Variants in MAST3 observed in about 807,000 individuals in gnomAD.
MAST3 encodes the protein microtubule-associated serine/threonine-protein kinase 3.
Under a neutral mutation model 127.0 loss-of-function variants are expected in MAST3, and 43 were observed. That is an observed-to-expected ratio of 0.34 (90% CI 0.27 to 0.44). The LOEUF is 0.44. Ranked by LOEUF, MAST3 falls within the 20% of genes least tolerant of loss-of-function variation. MAST3 has a pLI of 1.00. For missense variants in MAST3, 1,390 were observed against 1,919.1 expected, an observed-to-expected ratio of 0.72 and a Z score of 5.15; for synonymous variants, 785 against 809.2, an observed-to-expected ratio of 0.97 and a Z score of 0.51.
intron 18 of MAST3, among the ~76,000 whole-genome samples, chr19:18,136,208 C>T (rs2041878290): frequency 6.6e-6 from 1 of 152,184 alleles, no homozygotes; most frequent in Non-Finnish European, 1.5e-5. Flanking sequence ...CCACCCATCA[C>T]GTGGCCACTA....
chr19:18,145,653 T>TG lies in MAST3; in HGVS notation c.3040-89dup, dbSNP rs2042945584. 1.4e-6 allele frequency: 2 copies of TG among 1,411,848 alleles called. No homozygotes were observed. The highest frequency in any genetic ancestry group is 1.9e-6 in the Non-Finnish European group (2 of 1,067,854). 87.5% of individuals were successfully genotyped at this position (1,411,848 alleles called of 1,614,324 possible). ...TGAGACAGCACAAGAGGCAGCAGCTTGCTGGGGTCCCACAGCAGACCCAGC... is the reference window on the plus strand; with the variant it reads ...TGAGACAGCACAAGAGGCAGCAGCTTGGCTGGGGTCCCACAGCAGACCCAGC... On this transcript the variant is annotated intron_variant, in intron 24 of 27. Transcript: ENST00000687212. The surrounding 1 kb of genome is among the most constrained non-coding windows in gnomAD (Gnocchi z 5.9).
chr19:18,145,016 C>T lies in MAST3; in HGVS notation c.2826C>T (p.Gly942=), dbSNP rs754717863. 1.0e-5 allele frequency: 16 copies of T among 1,574,738 alleles called. No individual in the cohort carries two copies. The highest frequency in any genetic ancestry group is 1.7e-5 in the Admixed American group (1 of 59,808). Residue 942 remains glycine (G), a synonymous_variant, in exon 24 of 28, where the codon GGC becomes GGT. Coordinates refer to ENST00000687212, the MANE Select transcript of MAST3 (RefSeq NM_001393504.1). The surrounding 1 kb of genome is among the most constrained non-coding windows in gnomAD (Gnocchi z 5.9). ...AACCCCCTGCAGATGATGGCAGCGG[C>T]GGCCCCCTCATGAGCCCCCTTTCCC... The part of the protein sequence containing the change: ...SLIITADDGS[G]GPLMSPLSPR...
intron 14 of MAST3, among the ~76,000 whole-genome samples, chr19:18,130,980 C>A (rs2041214577): frequency 6.6e-6 from 1 of 152,150 alleles, no homozygotes; most frequent in Admixed American, 6.5e-5. Context: ...GGCCTGGAGA[C>A]CAGAAGTGAA....
chr19:18,097,792 C>A lies in MAST3; in HGVS notation c.-1C>A. On this transcript the variant is annotated 5_prime_UTR_variant, in exon 1 of 28. Coordinates refer to ENST00000687212, the MANE Select transcript of MAST3 (RefSeq NM_001393504.1). ...GGCCTGGCGGCGCGGACTCCCGGGCCATGGACGAGTCGAGCCTCCTGCGGC... is the reference window on the plus strand; with the variant it reads ...GGCCTGGCGGCGCGGACTCCCGGGCAATGGACGAGTCGAGCCTCCTGCGGC... The A allele has an allele frequency of 1.6e-6, 2 of 1,221,412 alleles. No homozygotes were observed. The highest frequency in any genetic ancestry group is 2.0e-6 in the Non-Finnish European group (2 of 981,504). 75.7% of individuals were successfully genotyped at this position (1,221,412 alleles called of 1,614,324 possible).
chr19:18,116,713 G>A (rs1234315701), intron 3 of MAST3, among the ~76,000 whole-genome samples: 6 of 131,688 alleles, frequency 4.6e-5, no homozygotes, highest in African/African-American at 1.7e-4. Context: ...AGTTTGAGAC[G>A]AGCCTGGCCA....
intron 8 of MAST3, 116 bp from the exon 9 acceptor site, chr19:18,123,823 C>A: frequency 9.1e-7 from 1 of 1,095,252 alleles, no homozygotes. Flanking sequence ...GCCCTCCCAC[C>A]CGATCGCCCC....
chr19:18,139,079 C>T lies in MAST3; in HGVS notation c.2160C>T (p.Ser720=). The change falls in exon 20 of 28, where the codon TCC becomes TCT. Residue 720 remains serine, a synonymous_variant. Coordinates refer to ENST00000687212, the MANE Select transcript of MAST3 (RefSeq NM_001393504.1). The stretch of plus-strand genomic sequence containing the variant: ...ACGAGACCAATGATGAAGAATCGTC[C>T]ACAGAGATCCCCCAGTTCTCCTCCT... ...EDDETNDEES[S]TEIPQFSSCS... The T allele has an allele frequency of 1.9e-6, 3 of 1,605,102 alleles. No homozygotes were observed. Among genetic ancestry groups the T allele is most frequent in the Middle Eastern group, 1.7e-4 (1 of 6,052 alleles).
At position 18,142,022 on chromosome 19, in the gene MAST3, G is replaced by T; in HGVS notation, c.2339+7G>T. 1.4e-6 allele frequency: 2 copies of T among 1,459,000 alleles called. No individual in the cohort carries two copies. The highest frequency in any genetic ancestry group is 1.5e-5 in the South Asian group (1 of 68,016). The allele number at this position is 1,459,000 out of a possible 1,614,324, so 90.4% of individuals were successfully genotyped here. On this transcript the variant is annotated splice_region_variant and intron_variant, in intron 21 of 27. Transcript: ENST00000687212. ...GGCTGAGTGCTGACATCCGGTAAGT[G>T]GCCTGGGGAAGTGTAGGCAGATCCA...
Position 18,110,055 on chromosome 19 carries a change from A to T in MAST3, c.72-597A>T. ...GCGTCCCTGCGGCAGACAGGGCGGC[A>T]CCCGCGGCTCCCCTTTCCCGCTGCG... On this transcript the variant is annotated intron_variant, in intron 2 of 27. Transcript: ENST00000687212. The surrounding 1 kb of genome is among the most constrained non-coding windows in gnomAD (Gnocchi z 4.3). The T allele has an allele frequency of 1.0e-6, 1 of 985,096 alleles. No individual in the cohort carries two copies. Among genetic ancestry groups the T allele is most frequent in the Non-Finnish European group, 1.2e-6 (1 of 829,834 alleles). The allele number at this position is 985,096 out of a possible 1,614,324, so 61.0% of individuals were successfully genotyped here. A position where few individuals can be genotyped will look rare whatever the true frequency, so the allele number is the denominator to read the frequency against.
chr19:18,151,449 A>C lies in MAST3; in HGVS notation c.*1723A>C, dbSNP rs2043519053. 1 of 152,196 alleles carries C rather than the reference A, an allele frequency of 6.6e-6. No homozygotes were observed. Among genetic ancestry groups the C allele is most frequent in the African/African-American group, 2.4e-5 (1 of 41,448 alleles). The allele number at this position is 152,196 out of a possible 1,614,324, so 9.4% of individuals were successfully genotyped here. ...GGGCGTTGTCATCAAGGGAGCTTGA[A>C]TGGAGGGTCTGGTGTCAGATACAGC... On this transcript the variant is annotated 3_prime_UTR_variant, in exon 28 of 28. Transcript: ENST00000687212.
chr19:18,119,126 GAACA>G (rs1230521222), intron 3 of MAST3, among the ~76,000 whole-genome samples: 3 of 152,176 alleles, frequency 2.0e-5, no homozygotes, highest in Non-Finnish European at 2.9e-5. Flanking sequence ...AGGAAGAGTT[GAACA>G]AACAGTCGGC....
At chr19:18,135,290 C>T (rs769215673) in intron 17 of MAST3, among the ~76,000 whole-genome samples, 22 of 151,866 alleles carry the variant, frequency 1.4e-4, no homozygotes, top group Non-Finnish European at 2.6e-4. Flanking sequence ...CATGGTGAAA[C>T]CCCATCTCTA....
rs997073953 is a variant in MAST3, at chr19:18,124,450, C to T, written c.945+84C>T. ...AACAGTCCTGCCAAGATACAGGTGA[C>T]AGTTCCCATCGTGTAGGGCTTTGAG... On this transcript the variant is annotated intron_variant, in intron 10 of 27. Coordinates refer to ENST00000687212, the MANE Select transcript of MAST3 (RefSeq NM_001393504.1). The T allele has an allele frequency of 1.1e-5, 16 of 1,403,756 alleles. No homozygotes were observed. The African/African-American group carries it at 1.9e-4, about 16-fold the overall frequency. 87.0% of individuals were successfully genotyped at this position (1,403,756 alleles called of 1,614,324 possible).
intron 3 of MAST3, among the ~76,000 whole-genome samples, chr19:18,114,166 A>G (rs1174891408): frequency 2.0e-5 from 3 of 147,992 alleles, no homozygotes; most frequent in African/African-American, 7.5e-5. Flanking sequence ...CCATTTCCAC[A>G]TCCAGACCCC....
chr19:18,130,164 C>T (rs899745330), intron 13 of MAST3, among the ~76,000 whole-genome samples: 2 of 151,824 alleles, frequency 1.3e-5, no homozygotes, highest in South Asian at 2.1e-4. Context: ...TATAGTGAGC[C>T]GTGATCTCAT....
intron 13 of MAST3, among the ~76,000 whole-genome samples, chr19:18,130,077 C>G (rs2147356424): frequency 6.6e-6 from 1 of 152,118 alleles, no homozygotes; most frequent in African/African-American, 2.4e-5. Flanking sequence ...TAGCGAGACC[C>G]CATCTCTACA....
chr19:18,147,614 T>A lies in MAST3; in HGVS notation c.3498T>A (p.Asp1166Glu). 1 of 1,551,886 alleles carries A rather than the reference T, an allele frequency of 6.4e-7. No homozygotes were observed. Among genetic ancestry groups the A allele is most frequent in the South Asian group, 1.2e-5 (1 of 83,830 alleles). The change falls in exon 27 of 28, where the codon GAT becomes GAA. Residue 1166 changes from aspartate to glutamate, a missense_variant. Transcript: ENST00000687212. ...CTCCCTGCCGAAGCCCAGCCCCTGA[T>A]GTCCCAGCAGGTGGGTGCACCCCGA... ...PTTPCRSPAPDVPADTTASPP... is the reference protein window; with the variant it reads ...PTTPCRSPAPEVPADTTASPP...
chr19:18,098,284 G>C (rs529829873), intron 1 of MAST3, among the ~76,000 whole-genome samples: 4 of 152,202 alleles, frequency 2.6e-5, no homozygotes, highest in South Asian at 2.1e-4. Context: ...GGGGAGGTTG[G>C]GGCTGTCAGG....
chr19:18,125,609 C>T (rs1475974288), intron 11 of MAST3, among the ~76,000 whole-genome samples: 2 of 151,888 alleles, frequency 1.3e-5, no homozygotes, highest in Non-Finnish European at 2.9e-5. Flanking sequence ...GGTGTGGTGG[C>T]GTGTGCCTGT....
Sources: gnomAD v4.1 joint callset for allele counts (sites outside exome capture counted in the v4.1 genomes callset) on GRCh38, gnomAD v4.1.1 for gene constraint, Gnocchi (gnomAD v3.1) non-coding constraint, MANE v1.5 for transcripts, NCBI Gene and HGNC (gene_info 2026-07-23, HGNC 2026-07-21) for gene names.